The following ZFHX3 variants were observed in gnomAD, a reference collection of about 807,000 sequenced individuals.
ZFHX3 encodes zinc finger homeobox 3, also known as zinc finger homeobox protein 3.
In ZFHX3, 42 loss-of-function variants were observed where a neutral mutation model predicts 279.1. The observed-to-expected ratio is 0.15, with a 90% CI of 0.12 to 0.19. ZFHX3 has a LOEUF of 0.19. ZFHX3 is among the 10% of genes least tolerant of loss of function. ZFHX3 has a pLI of 1.00. For missense variants in ZFHX3, 4,981 were observed against 4,754.0 expected (o/e 1.05, Z -1.40); for synonymous variants, 2,293 against 1,957.8 (o/e 1.17, Z -4.52).
At chr16:73,072,230 A>T (rs973906939) in intron 8 of ZFHX3, among the ~76,000 whole-genome samples, 1 of 152,110 alleles carries the variant, frequency 6.6e-6, no homozygotes. Flanking sequence ...GGATCACTGG[A>T]GGTCAGGAGT....
chr16:73,021,015 G>C (rs985975337), intron 1 of ZFHX3, among the ~76,000 whole-genome samples: 1 of 152,182 alleles, frequency 6.6e-6, no homozygotes, highest in Non-Finnish European at 1.5e-5. Flanking sequence ...GCAAGGATTA[G>C]TTGAAAGGGT....
Position 73,183,077 on chromosome 16 carries a change from C to T in ZFHX3, c.-1103-39246G>A, listed in dbSNP as rs535644340. ...AAATTTAGCGGGGTGTGGTGGTGGGCGCCTGTAGTCCCAGCTACTCGGGAG... is the reference window on the plus strand; with the variant it reads ...AAATTTAGCGGGGTGTGGTGGTGGGTGCCTGTAGTCCCAGCTACTCGGGAG... On this transcript the variant is annotated intron_variant, in intron 5 of 17. Coordinates refer to the ZFHX3 transcript ENST00000641206. 3.9e-5 allele frequency among the ~76,000 whole-genome samples: 6 copies of T among 151,986 alleles called. No individual in the cohort carries two copies. The East Asian group carries it at 5.8e-4, about 15-fold the overall frequency.
At chr16:73,511,213 T>G (rs1336094471) in intron 2 of ZFHX3, among the ~76,000 whole-genome samples, 1 of 152,202 alleles carries the variant, frequency 6.6e-6, no homozygotes, top group African/African-American at 2.4e-5. Context: ...AAGTTCCAGG[T>G]AGGATTCAGT....
chr16:73,890,067 T>C (rs945560094), intron 1 of ZFHX3, among the ~76,000 whole-genome samples: 1 of 152,138 alleles, frequency 6.6e-6, no homozygotes, highest in Non-Finnish European at 1.5e-5. Flanking sequence ...GATTTGTCTA[T>C]ACTCTAGGAA....
chr16:73,615,042 G>A (rs1485304234), intron 2 of ZFHX3, among the ~76,000 whole-genome samples: 1 of 151,886 alleles, frequency 6.6e-6, no homozygotes, highest in Non-Finnish European at 1.5e-5. Flanking sequence ...TTACAGGTGT[G>A]AGCCACCACG....
At chr16:73,845,438 G>C (rs1290881487) in intron 1 of ZFHX3, among the ~76,000 whole-genome samples, 1 of 152,008 alleles carries the variant, frequency 6.6e-6, no homozygotes, top group African/African-American at 2.4e-5. Flanking sequence ...TTAGCGAGTG[G>C]ATTTTAAATA....
intron 1 of ZFHX3, among the ~76,000 whole-genome samples, chr16:73,763,647 G>C (rs1319007477): frequency 6.6e-6 from 1 of 152,136 alleles, no homozygotes; most frequent in Non-Finnish European, 1.5e-5. Context: ...CCTTTTGAAT[G>C]GGTGTGGAAC....
At chr16:72,914,013 C>T (rs1341122585) in intron 3 of ZFHX3, among the ~76,000 whole-genome samples, 3 of 152,316 alleles carry the variant, frequency 2.0e-5, no homozygotes, top group African/African-American at 4.8e-5. Context: ...AATGTGGAAC[C>T]AAGAGGTTAA....
chr16:73,444,872 C>T (rs958192922), intron 3 of ZFHX3, among the ~76,000 whole-genome samples: 3 of 149,924 alleles, frequency 2.0e-5, no homozygotes, highest in Non-Finnish European at 4.4e-5. Context: ...GTAATCCCAA[C>T]GCTTTGGGAG....
At chr16:72,874,352 A>G (rs962036867) in intron 4 of ZFHX3, among the ~76,000 whole-genome samples, 3 of 151,578 alleles carry the variant, frequency 2.0e-5, no homozygotes, top group African/African-American at 7.3e-5. Flanking sequence ...GACTACAGGC[A>G]CCCGCCACCA....
chr16:73,856,625 G>A (rs557008309), intron 1 of ZFHX3, among the ~76,000 whole-genome samples: 27 of 152,162 alleles, frequency 1.8e-4, no homozygotes, highest in South Asian at 1.0e-3. Context: ...CCAAATGCCT[G>A]TAGCATCTGT....
At chr16:73,526,660 A>G (rs1597370029) in intron 2 of ZFHX3, among the ~76,000 whole-genome samples, 1 of 152,216 alleles carries the variant, frequency 6.6e-6, no homozygotes, top group South Asian at 2.1e-4. Flanking sequence ...TGAACTTCAC[A>G]TCTCAGAAGC....
At position 72,795,641 on chromosome 16, in the gene ZFHX3, C is replaced by T. The variant is rs4614733; in HGVS notation, c.7041G>A (p.Gln2347=). ...FQRIFDLIKH[Q]KKLCYKDEDE... ...CCTCATCCTTGTAACACAGCTTCTT[C>T]TGGTGCTTGATGAGATCAAAGATGC... is the stretch of plus-strand genomic sequence containing the variant. The change falls in exon 9 of 10, where the codon CAG becomes CAA. Residue 2347 remains glutamine (Q), a synonymous_variant. Transcript: ENST00000268489. The T allele has an allele frequency of 6.2e-7, 1 of 1,613,792 alleles. No homozygotes were observed. Among genetic ancestry groups the T allele is most frequent in the Non-Finnish European group, 8.5e-7 (1 of 1,179,920 alleles).
rs551370301 is a variant in ZFHX3 at position 73,017,175 on chromosome 16, T to A, written c.-50+30577A>T. 8.7e-5 allele frequency among the ~76,000 whole-genome samples: 13 copies of A among 149,644 alleles called. No individual in the cohort carries two copies. The South Asian group carries it at 2.8e-3, about 32-fold the overall frequency. ...TCAGCCTTGGGAGGTTGAGGCTGCA[T>A]GGAGCTGTGATTGTGCCACTGCAAT... is the stretch of plus-strand genomic sequence containing the variant. On this transcript the variant is annotated intron_variant, in intron 1 of 9. Transcript: ENST00000268489.
rs779790829 is a variant in ZFHX3 at position 72,793,464 on chromosome 16, C to T, written c.9218G>A (p.Arg3073His). 15 of 1,614,052 alleles carry T rather than the reference C, an allele frequency of 9.3e-6. No homozygotes were observed. The highest frequency in any genetic ancestry group is 1.1e-5 in the Non-Finnish European group (13 of 1,180,032). Residue 3073 changes from arginine to histidine, a missense_variant, in exon 9 of 10, where the codon CGT (arginine) becomes CAT (histidine). Physicochemically the swap from Arg to His is conservative, Grantham distance 29 (BLOSUM62 0). This residue lies in a region of ZFHX3 where 168 missense variants were observed against 249.1 expected (regional missense o/e 0.67). Coordinates refer to ENST00000268489, the MANE Select transcript of ZFHX3 (RefSeq NM_006885.4). The surrounding 1 kb of genome is among the most constrained non-coding windows in gnomAD (Gnocchi z 4.3). ...EKEYFDPATV[R>H]QLMAQQELDR... ...CAACTCTTGTTGAGCCATCAACTGA[C>T]GTACGGTGGCTGGGTCAAAGTATTC...
intron 3 of ZFHX3, among the ~76,000 whole-genome samples, chr16:72,920,254 T>C (rs909509879): frequency 6.6e-6 from 1 of 152,158 alleles, no homozygotes; most frequent in Admixed American, 6.5e-5. Context: ...CAGAAGTCAC[T>C]GGGCCTCAGC....
At chr16:73,248,716 C>T (rs74844289) in intron 5 of ZFHX3, among the ~76,000 whole-genome samples, 1 of 151,776 alleles carries the variant, frequency 6.6e-6, no homozygotes, top group Admixed American at 6.6e-5. Flanking sequence ...GGATGTCTCC[C>T]CTATGTGCTG....
intron 3 of ZFHX3, among the ~76,000 whole-genome samples, chr16:73,340,380 A>T (rs577370565): frequency 6.6e-6 from 1 of 152,334 alleles, no homozygotes; most frequent in South Asian, 2.1e-4. Flanking sequence ...CTTATTCAGA[A>T]ACAGGTCTTG....
At chr16:73,561,523 C>A (rs2020369380) in intron 2 of ZFHX3, among the ~76,000 whole-genome samples, 1 of 152,122 alleles carries the variant, frequency 6.6e-6, no homozygotes, top group Non-Finnish European at 1.5e-5. Flanking sequence ...AATGCTCCAC[C>A]ATATTTTGCC....
Sources: allele counts gnomAD v4.1 joint callset (sites outside exome capture counted in the v4.1 genomes callset), GRCh38; gene constraint gnomAD v4.1.1; regional missense constraint gnomAD v4.1.1; non-coding constraint Gnocchi (gnomAD v3.1); transcripts MANE v1.5; gene names NCBI Gene and HGNC (gene_info 2026-07-23, HGNC 2026-07-21).